Variants in FYB2 observed in about 807,000 individuals in gnomAD.
The protein encoded by FYB2 is FYN binding protein 2, also known as FYN-binding protein 2.
FYB2 carries 103 observed loss-of-function variants against 94.1 expected under a neutral mutation model. The observed-to-expected ratio is 1.09, with a 90% CI of 0.93 to 1.29. FYB2 has a LOEUF of 1.29. FYB2 is among the 50% of genes most tolerant of loss of function. The pLI, the probability that FYB2 is intolerant of heterozygous loss-of-function variation, is 0.00. For missense variants in FYB2, 896 were observed against 841.5 expected, an observed-to-expected ratio of 1.06 and a Z score of -0.80; for synonymous variants, 293 against 287.9, an observed-to-expected ratio of 1.02 and a Z score of -0.18.
intron 1 of FYB2, among the ~76,000 whole-genome samples, chr1:56,806,697 T>C (rs1049965251): frequency 2.6e-5 from 4 of 152,168 alleles, no homozygotes; most frequent in East Asian, 1.9e-4. Flanking sequence ...GGGAGATAAC[T>C]ATTCATTGCA....
intron 16 of FYB2, among the ~76,000 whole-genome samples, chr1:56,724,051 G>A (rs746575735): frequency 1.1e-4 from 16 of 148,570 alleles, no homozygotes; most frequent in Admixed American, 6.0e-4. Context: ...GAGACTTAGA[G>A]ATATAACTTT....
intron 1 of FYB2, among the ~76,000 whole-genome samples, chr1:56,810,935 A>G (rs1247574084): frequency 6.6e-6 from 1 of 152,126 alleles, no homozygotes; most frequent in African/African-American, 2.4e-5. Flanking sequence ...TGTATTTACC[A>G]TCTTTTATTA....
At chr1:56,793,746 A>T (rs1251273261) in intron 1 of FYB2, among the ~76,000 whole-genome samples, 1 of 151,380 alleles carries the variant, frequency 6.6e-6, no homozygotes, top group Non-Finnish European at 1.5e-5. Context: ...TTGAAAAAAA[A>T]AAAAAAAAAA....
the FYB2 span, chr1:56,826,786 T>C: frequency 2.6e-5 from 4 of 152,286 alleles, no homozygotes; most frequent in Admixed American, 1.3e-4. Flanking sequence ...CAAGTATTTC[T>C]GAGGATCTTC....
At chr1:56,758,681 C>A in intron 6 of FYB2, 35 bp downstream of exon 6, 1 of 1,524,058 alleles carries the variant, frequency 6.6e-7, no homozygotes, top group Non-Finnish European at 9.0e-7. Context: ...GCTTATTTTA[C>A]TTTTAGTTAC....
chr1:56,756,784 G>A (rs1190451746), intron 6 of FYB2, among the ~76,000 whole-genome samples: 1 of 152,126 alleles, frequency 6.6e-6, no homozygotes, highest in Non-Finnish European at 1.5e-5. Flanking sequence ...TAAGGGTTAA[G>A]CACTACTGTC....
rs560562647 is a variant in FYB2 at position 56,754,630 on chromosome 1, G to A, written c.1131-695C>T. Among the ~76,000 whole-genome samples, 15 of 152,124 alleles carry A rather than the reference G, an allele frequency of 9.9e-5. 1 individual carries two copies. The highest frequency in any genetic ancestry group is 3.1e-4 in the African/African-American group (13 of 41,520). Reference sequence around the variant, plus strand: ...TCCATGATAGGAAAAGCTGGTTTTTGCACCTCACTTCTGTGTTGTTAAACT... The same window carrying A: ...TCCATGATAGGAAAAGCTGGTTTTTACACCTCACTTCTGTGTTGTTAAACT... On this transcript the variant is annotated intron_variant, in intron 7 of 19. Transcript: ENST00000343433.
chr1:56,817,215 A>G (rs997869092), intron 1 of FYB2, among the ~76,000 whole-genome samples: 2 of 151,424 alleles, frequency 1.3e-5, no homozygotes, highest in Non-Finnish European at 2.9e-5. Context: ...CTCTCTGAAC[A>G]CTCCTTCACT....
Position 56,789,063 on chromosome 1 carries a change from G to T in FYB2, c.829C>A (p.Pro277Thr). The change falls in exon 3 of 20, where the codon CCT becomes ACT. Residue 277 changes from proline (P) to threonine (T), a missense_variant. Transcript: ENST00000343433. Reference protein sequence around the residue: ...KPLPSIDSLGPPPPKPSRPPI... With the variant: ...KPLPSIDSLGTPPPKPSRPPI... ...GGTCTTGAAGGCTTTGGGGGAGGAG[G>T]ACCCAGGGAGTCGATGGAGGGCAAT... 1 of 1,613,754 alleles carries T rather than the reference G, an allele frequency of 6.2e-7. No individual in the cohort carries two copies. Among genetic ancestry groups the T allele is most frequent in the Non-Finnish European group, 8.5e-7 (1 of 1,179,800 alleles).
chr1:56,756,759 C>T (rs1645342451), intron 6 of FYB2, among the ~76,000 whole-genome samples: 1 of 152,084 alleles, frequency 6.6e-6, no homozygotes, highest in South Asian at 2.1e-4. Context: ...GTGATATCAG[C>T]TCACAGGGTA....
At chr1:56,797,694 C>G (rs1451167894) in intron 1 of FYB2, among the ~76,000 whole-genome samples, 10 of 152,198 alleles carry the variant, frequency 6.6e-5, no homozygotes, top group Admixed American at 4.6e-4. Context: ...GCCCCATTCC[C>G]TTAGCTCTAG....
At position 56,732,163 on chromosome 1, in the gene FYB2, T is replaced by C. The variant is rs1569882444; in HGVS notation, c.1793+4924A>G. On this transcript the variant is annotated intron_variant, in intron 15 of 19. Coordinates refer to ENST00000343433, the MANE Select transcript of FYB2 (RefSeq NM_001004303.5). Reference sequence around the variant, plus strand: ...GGATACAAAATCAACATATAAAAATTAGTAGCGTTTCTATACATGAACAAT... The same window carrying C: ...GGATACAAAATCAACATATAAAAATCAGTAGCGTTTCTATACATGAACAAT... Among the ~76,000 whole-genome samples the C allele has an allele frequency of 2.6e-5, 4 of 152,202 alleles. 1 individual carries two copies. Among genetic ancestry groups the C allele is most frequent in the Admixed American group, 2.6e-4 (4 of 15,280 alleles).
chr1:56,813,700 A>G (rs1646817949), intron 1 of FYB2, among the ~76,000 whole-genome samples: 1 of 152,210 alleles, frequency 6.6e-6, no homozygotes, highest in Non-Finnish European at 1.5e-5. Context: ...ACCTGTTATT[A>G]CTATAAGTTA....
chr1:56,758,534 T>C (rs948705760), intron 6 of FYB2, among the ~76,000 whole-genome samples, 182 bp downstream of exon 6: 4 of 152,166 alleles, frequency 2.6e-5, no homozygotes, highest in Non-Finnish European at 4.4e-5. Context: ...CACACATTTT[T>C]GTCTCTGACA....
chr1:56,722,427 T>A (rs923070773), intron 17 of FYB2, among the ~76,000 whole-genome samples: 64 of 152,100 alleles, frequency 4.2e-4, no homozygotes, highest in African/African-American at 1.5e-3. Context: ...TACTTTAATG[T>A]GTGATAAGCT....
intron 5 of FYB2, among the ~76,000 whole-genome samples, chr1:56,765,796 C>T (rs1344897806): frequency 6.6e-6 from 1 of 152,216 alleles, no homozygotes; most frequent in African/African-American, 2.4e-5. Flanking sequence ...CTTCTTCTCT[C>T]TACCTTTCAG....
At chr1:56,778,488 A>G (rs527772943) in intron 4 of FYB2, among the ~76,000 whole-genome samples, 1 of 152,234 alleles carries the variant, frequency 6.6e-6, no homozygotes, top group Non-Finnish European at 1.5e-5. Context: ...CTCATACAAA[A>G]ACACTGGGAA....
At chr1:56,738,749 A>T in intron 13 of FYB2, 96 bp from the exon 14 acceptor site, 1 of 1,338,202 alleles carries the variant, frequency 7.5e-7, no homozygotes, top group Non-Finnish European at 1.0e-6. Flanking sequence ...ATGATGCTGG[A>T]TTGCCCTTCT....
At chr1:56,779,985 C>A (rs74073549) in intron 4 of FYB2, among the ~76,000 whole-genome samples, 2,696 of 152,122 alleles carry the variant, frequency 0.018, 80 homozygotes, top group African/African-American at 0.055. Context: ...GTTCAATATT[C>A]AATATACTAA....
Sources: allele counts gnomAD v4.1 joint callset (sites outside exome capture counted in the v4.1 genomes callset), GRCh38; gene constraint gnomAD v4.1.1; transcripts MANE v1.5; gene names NCBI Gene and HGNC (gene_info 2026-07-23, HGNC 2026-07-21).